Variants in TUBE1 observed in about 807,000 individuals in gnomAD.
TUBE1 encodes the protein tubulin epsilon 1.
In TUBE1, 34 loss-of-function variants were observed where a neutral mutation model predicts 53.5. The ratio of observed to expected loss-of-function variants is 0.64; its 90% CI spans 0.48 to 0.85. TUBE1 has a LOEUF of 0.85. Among genes scored for constraint, TUBE1 ranks in the 40% least tolerant of loss-of-function variants. The probability of loss-of-function intolerance (pLI) is 0.00; values close to 1 mark genes in which losing one functional copy is unlikely to be tolerated. For missense variants in TUBE1, 532 were observed against 570.5 expected (o/e 0.93, Z 0.69); for synonymous variants, 177 against 198.4 (o/e 0.89, Z 0.91).
intron 4 of TUBE1, 108 bp from the exon 5 acceptor site, chr6:112,081,315 T>G: frequency 2.1e-6 from 1 of 466,394 alleles, no homozygotes; most frequent in Non-Finnish European, 3.7e-6. Context: ...CTTTATAGTT[T>G]AAGCTTAATT....
chr6:112,072,242 G>A (rs587703298), intron 10 of TUBE1, among the ~76,000 whole-genome samples, 166 bp from the exon 11 acceptor site: 2 of 152,248 alleles, frequency 1.3e-5, no homozygotes, highest in Admixed American at 1.3e-4. Context: ...GCAGTAACAT[G>A]GTACAGTCTG....
At chr6:112,076,813 C>T in intron 6 of TUBE1, 1 of 187,388 alleles carries the variant, frequency 5.3e-6, no homozygotes, top group Non-Finnish European at 1.1e-5. Context: ...AAGCAAGCTT[C>T]TGCCTTGGCC....
chr6:112,078,949 G>A (rs781811934), intron 6 of TUBE1, among the ~76,000 whole-genome samples: 11 of 151,980 alleles, frequency 7.2e-5, no homozygotes, highest in African/African-American at 2.7e-4. Context: ...TGACCATTTT[G>A]TTCTTTTAAA....
At chr6:112,075,721 A>G (rs868960408) in intron 8 of TUBE1, 13 of 391,234 alleles carry the variant, frequency 3.3e-5, no homozygotes, top group Middle Eastern at 6.7e-4. Context: ...ACATCATATG[A>G]TATCTGTTCA....
chr6:112,086,869 G>A (rs1777167493), intron 2 of TUBE1: 2 of 488,432 alleles, frequency 4.1e-6, no homozygotes, highest in South Asian at 6.9e-5. Context: ...TCAAATGAGC[G>A]TTCTCTGGAT....
intron 6 of TUBE1, chr6:112,078,764 C>A (rs2046797063): frequency 6.6e-6 from 1 of 151,892 alleles, no homozygotes; most frequent in Non-Finnish European, 1.5e-5. Context: ...AGCACAGAAA[C>A]AAATTTGTTT....
chr6:112,086,875 T>C (rs1271472425), intron 2 of TUBE1: 4 of 492,630 alleles, frequency 8.1e-6, no homozygotes, highest in African/African-American at 5.9e-5. Context: ...GAGCGTTCTC[T>C]GGATTCTTCG....
At chr6:112,075,890 C>A in intron 8 of TUBE1, 47 bp downstream of exon 8, 1 of 1,478,678 alleles carries the variant, frequency 6.8e-7, no homozygotes, top group South Asian at 1.4e-5. Flanking sequence ...TTCAAAATAT[C>A]TCCAAAAGCA....
rs1776959138 is a variant in TUBE1, at chr6:112,076,004, T to TTAA, written c.744_745insTTA (p.Lys248_Lys249insLeu). On this transcript the variant is annotated inframe_insertion, in exon 8 of 12. Transcript: ENST00000368662. ...GCATCAAAGGGCTTCTTATGCTGCT[T>TTAA]TTTTAAAGCCCCAGAACTTGAAGTA... 6.2e-7 allele frequency: 1 copy of TTAA among 1,613,876 alleles called. No homozygotes were observed. The highest frequency in any genetic ancestry group is 1.7e-5 in the Admixed American group (1 of 59,992).
Position 112,083,597 on chromosome 6 carries a change from C to G in TUBE1, c.210+592G>C, listed in dbSNP as rs1583598350. 3.3e-5 allele frequency among the ~76,000 whole-genome samples: 5 copies of G among 152,258 alleles called. No individual in the cohort carries two copies. The South Asian group carries it at 1.0e-3, about 32-fold the overall frequency. On this transcript the variant is annotated intron_variant, in intron 4 of 11. Transcript: ENST00000368662. ...CCTCCCAAAGTGCTGGGATTACAGG[C>G]GTGAGCCACCGCGCCCAGCACCTTC...
At chr6:112,083,921 C>A in intron 4 of TUBE1, 1 of 393,660 alleles carries the variant, frequency 2.5e-6, no homozygotes, top group Non-Finnish European at 4.6e-6. Context: ...TATTTCAGGT[C>A]CTTAGAGTTA....
rs1554315385 is a variant in TUBE1, at chr6:112,071,905, T to C, written c.1266A>G (p.Lys422=). 2 of 1,595,462 alleles carry C rather than the reference T, an allele frequency of 1.3e-6. No homozygotes were observed. Among genetic ancestry groups the C allele is most frequent in the South Asian group, 1.1e-5 (1 of 87,212 alleles). Residue 422 remains lysine, a synonymous_variant, in exon 11 of 12, where the codon AAA becomes AAG. Transcript: ENST00000368662. The part of the protein sequence containing the change: ...LKERFMRLYK[K]KAHLHHYLQV... Reference sequence around the variant, plus strand: ...TACAAAGCTGTACAATAATTACCTTTTTCTTGTAGAGCCTCATGAATCTCT... The same window carrying C: ...TACAAAGCTGTACAATAATTACCTTCTTCTTGTAGAGCCTCATGAATCTCT...
intron 3 of TUBE1, among the ~76,000 whole-genome samples, chr6:112,086,041 G>T (rs1777149350): frequency 6.6e-6 from 1 of 152,204 alleles, no homozygotes; most frequent in African/African-American, 2.4e-5. Context: ...TTAGTTTTAT[G>T]AAGTATTTTG....
At chr6:112,071,610 A>G (rs782385439) in intron 11 of TUBE1, 40 bp from the exon 12 acceptor site, 2 of 1,492,120 alleles carry the variant, frequency 1.3e-6, no homozygotes, top group Non-Finnish European at 1.8e-6. Flanking sequence ...CCATTTCAGG[A>G]ACTTTAATAC....
At chr6:112,086,761 A>C (rs1777164897) in intron 2 of TUBE1, 153 bp from the exon 3 acceptor site, 3 of 594,466 alleles carry the variant, frequency 5.0e-6, no homozygotes, top group Non-Finnish European at 8.8e-6. Context: ...GACTCTTCCC[A>C]ATCTCCTTAG....
chr6:112,071,676 C>T, intron 11 of TUBE1, 106 bp from the exon 12 acceptor site: 3 of 1,055,606 alleles, frequency 2.8e-6, no homozygotes, highest in Non-Finnish European at 2.7e-6. Context: ...TCATTCAGCT[C>T]TACATTTGAA....
chr6:112,085,912 A>G (rs1362380799), intron 3 of TUBE1, among the ~76,000 whole-genome samples: 1 of 152,192 alleles, frequency 6.6e-6, no homozygotes, highest in Non-Finnish European at 1.5e-5. Flanking sequence ...CGGACTAATC[A>G]GCTTTCTCTG....
Position 112,074,794 on chromosome 6 carries a change from A to C in TUBE1, c.869T>G (p.Leu290Ter), listed in dbSNP as rs782098080. The C allele has an allele frequency of 6.2e-7, 1 of 1,608,594 alleles. No homozygotes were observed. The highest frequency in any genetic ancestry group is 1.1e-5 in the South Asian group (1 of 90,136). ...ATAATGAAGTTGAGGAAAAGGAACT[A>C]AATTCATGCTGATTTCATTAAGGTC... Reference protein sequence around the residue: ...NMDLNEISMNLVPFPQLHYLV... With the variant: ...NMDLNEISMN Residue 290 changes from leucine (L) to a stop codon, truncating the protein, a stop_gained, in exon 9 of 12, where the codon TTA becomes TGA. Coordinates refer to ENST00000368662, the MANE Select transcript of TUBE1 (RefSeq NM_016262.5). LOFTEE classifies it high-confidence loss of function.
intron 9 of TUBE1, among the ~76,000 whole-genome samples, chr6:112,074,337 C>T (rs1776918502): frequency 7.0e-6 from 1 of 142,624 alleles, no homozygotes; most frequent in Non-Finnish European, 1.5e-5. Context: ...ATTTAATCTA[C>T]CCAATAAGTA....
Sources: allele counts gnomAD v4.1 joint callset (sites outside exome capture counted in the v4.1 genomes callset), GRCh38; gene constraint gnomAD v4.1.1; transcripts MANE v1.5; gene names NCBI Gene and HGNC (gene_info 2026-07-23, HGNC 2026-07-21).